The following ABTB2 variants were observed in gnomAD, a reference collection of about 807,000 sequenced individuals.
ABTB2 encodes ankyrin repeat and BTB/POZ domain-containing protein 2.
A neutral mutation model predicts 104.1 loss-of-function variants in ABTB2; 56 were observed. The ratio of observed to expected loss-of-function variants is 0.54; its 90% CI spans 0.43 to 0.67. The LOEUF is 0.67. Among genes scored for constraint, ABTB2 ranks in the 30% least tolerant of loss-of-function variants. ABTB2 has a pLI of 0.00. For missense variants in ABTB2, 1,279 were observed against 1,407.7 expected (o/e 0.91, Z 1.46); for synonymous variants, 606 against 608.2 (o/e 1.00, Z 0.05).
intron 4 of ABTB2, among the ~76,000 whole-genome samples, chr11:34,172,467 T>C (rs565729479): frequency 7.3e-6 from 1 of 137,260 alleles, no homozygotes; most frequent in African/African-American, 3.1e-5. Context: ...GATAGATAGA[T>C]AGATAGATAG....
intron 1 of ABTB2, among the ~76,000 whole-genome samples, chr11:34,256,166 G>T (rs559854838): frequency 8.1e-4 from 123 of 152,120 alleles, no homozygotes; most frequent in Non-Finnish European, 1.4e-3. Context: ...CTACTTGTGG[G>T]GGGTGGGGCG....
At chr11:34,205,406 T>C (rs1306890498) in intron 1 of ABTB2, among the ~76,000 whole-genome samples, 1 of 152,198 alleles carries the variant, frequency 6.6e-6, no homozygotes, top group African/African-American at 2.4e-5. Context: ...TGTAAATTTC[T>C]CCAACTCACT....
At chr11:34,272,777 G>C (rs564735437) in intron 1 of ABTB2, among the ~76,000 whole-genome samples, 2 of 146,478 alleles carry the variant, frequency 1.4e-5, no homozygotes, top group South Asian at 2.2e-4. Flanking sequence ...TGTATAGTTT[G>C]ATATCATTTT....
chr11:34,272,486 T>C (rs1282799549), intron 1 of ABTB2, among the ~76,000 whole-genome samples: 1 of 151,782 alleles, frequency 6.6e-6, no homozygotes, highest in African/African-American at 2.4e-5. Context: ...GGCAGGTGGA[T>C]CACGAGGTCA....
At chr11:34,162,966 G>T (rs1294313653) in intron 9 of ABTB2, among the ~76,000 whole-genome samples, 161 bp from the exon 10 acceptor site, 1 of 152,148 alleles carries the variant, frequency 6.6e-6, no homozygotes, top group Admixed American at 6.5e-5. Context: ...GGGGTCCCAG[G>T]GTCACCAATC....
At chr11:34,306,562 T>C (rs1231901235) in intron 1 of ABTB2, among the ~76,000 whole-genome samples, 3 of 151,938 alleles carry the variant, frequency 2.0e-5, no homozygotes, top group South Asian at 4.2e-4. Flanking sequence ...AGCTGTTTTT[T>C]AAAAAGACAT....
intron 3 of ABTB2, among the ~76,000 whole-genome samples, chr11:34,187,478 C>T (rs1289824698): frequency 1.4e-5 from 2 of 147,676 alleles, no homozygotes; most frequent in African/African-American, 2.5e-5. Flanking sequence ...GTGGTCTTCT[C>T]GTCTACCTTA....
At position 34,357,537 on chromosome 11, in the gene ABTB2, G is replaced by A; in HGVS notation, c.47C>T (p.Thr16Ile). ...SSTLKTLEDL[T>I]LDSGYGAGDS... is the part of the protein sequence containing the mutation. ...CCCGGCCCCATACCCGGAGTCCAAG[G>A]TCAAGTCCTCCAGCGTCTTCAGAGT... Residue 16 changes from threonine to isoleucine, a missense_variant, in exon 1 of 17, where the codon ACC (threonine) becomes ATC (isoleucine). By Grantham distance (89) the Thr-to-Ile change is moderately conservative. Transcript: ENST00000435224. 6.5e-7 allele frequency: 1 copy of A among 1,536,848 alleles called. No homozygotes were observed. Among genetic ancestry groups the A allele is most frequent in the South Asian group, 1.2e-5 (1 of 83,982 alleles).
chr11:34,206,221 G>A (rs1425262767), intron 1 of ABTB2, among the ~76,000 whole-genome samples: 2 of 152,034 alleles, frequency 1.3e-5, no homozygotes, highest in African/African-American at 2.4e-5. Flanking sequence ...TTAGCCAGGT[G>A]TGGTGGCTAG....
intron 4 of ABTB2, among the ~76,000 whole-genome samples, chr11:34,172,412 A>ATGTG (rs1852890413): frequency 1.5e-5 from 1 of 68,446 alleles, no homozygotes; most frequent in African/African-American, 5.0e-5. Context: ...ATATATATAT[A>ATGTG]TATATATGTG....
At chr11:34,254,296 G>A (rs1854093275) in intron 1 of ABTB2, among the ~76,000 whole-genome samples, 1 of 151,878 alleles carries the variant, frequency 6.6e-6, no homozygotes, top group Non-Finnish European at 1.5e-5. Context: ...CACTCAGGCT[G>A]GAGTGCAGTG....
intron 5 of ABTB2, 107 bp downstream of exon 5, chr11:34,170,799 A>G: frequency 2.1e-6 from 3 of 1,405,862 alleles, no homozygotes; most frequent in Non-Finnish European, 1.9e-6. Context: ...TTCGAAGTAC[A>G]GAGCTGAGCA....
At chr11:34,321,929 C>G (rs574434758) in intron 1 of ABTB2, among the ~76,000 whole-genome samples, 2 of 152,294 alleles carry the variant, frequency 1.3e-5, no homozygotes, top group Non-Finnish European at 2.9e-5. Context: ...ACAGTCGGGA[C>G]TCACCTCTGG....
chr11:34,215,032 G>A (rs1853533527), intron 1 of ABTB2, among the ~76,000 whole-genome samples: 1 of 152,148 alleles, frequency 6.6e-6, no homozygotes, highest in Non-Finnish European at 1.5e-5. Flanking sequence ...CTGGCCCCAG[G>A]TGGTGGTGAC....
At chr11:34,153,400 A>AGTC in intron 16 of ABTB2, among the ~76,000 whole-genome samples, 1 of 152,204 alleles carries the variant, frequency 6.6e-6, no homozygotes, top group East Asian at 1.9e-4. Flanking sequence ...GTTGAGACAA[A>AGTC]GTCTTGCTCT....
At chr11:34,219,050 A>C (rs140343097) in intron 1 of ABTB2, among the ~76,000 whole-genome samples, 2 of 57,354 alleles carry the variant, frequency 3.5e-5, no homozygotes, top group African/African-American at 9.2e-5. Flanking sequence ...TAATTATACC[A>C]AGCTTAGTGC....
intron 1 of ABTB2, among the ~76,000 whole-genome samples, chr11:34,245,279 C>A (rs139853153): frequency 6.6e-6 from 1 of 152,194 alleles, no homozygotes; most frequent in Non-Finnish European, 1.5e-5. Flanking sequence ...GCCACCCTGG[C>A]GAGAGCTGAG....
rs746237048 is a variant in ABTB2, at chr11:34,165,340, C to T, written c.1772G>A (p.Gly591Asp). The T allele has an allele frequency of 6.3e-7, 1 of 1,586,636 alleles. No homozygotes were observed. The highest frequency in any genetic ancestry group is 1.2e-5 in the South Asian group (1 of 86,936). ...ISVVQLLLDA[G>D]AHVEGSAVNG... ...CACTGCCGAGCCCTCGACATGGGCA[C>T]CAGCATCCAGCAGCAACTGCCAGGG... Residue 591 changes from glycine to aspartate, a missense_variant, in exon 8 of 17, where the codon GGT becomes GAT. By Grantham distance (94) the Gly-to-Asp change is moderately conservative. Transcript: ENST00000435224.
intron 1 of ABTB2, among the ~76,000 whole-genome samples, chr11:34,292,635 A>G (rs1399701921): frequency 6.6e-6 from 1 of 152,266 alleles, no homozygotes; most frequent in Non-Finnish European, 1.5e-5. Context: ...AAGATGGACA[A>G]TAAGAAAATA....
Sources: allele counts gnomAD v4.1 joint callset (sites outside exome capture counted in the v4.1 genomes callset), GRCh38; gene constraint gnomAD v4.1.1; transcripts MANE v1.5; gene names NCBI Gene and HGNC (gene_info 2026-07-23, HGNC 2026-07-21).